The following ROBO2 variants were observed in gnomAD, a reference collection of about 807,000 sequenced individuals.
ROBO2 encodes the protein roundabout guidance receptor 2, also known as roundabout homolog 2.
In ROBO2, 53 loss-of-function variants were observed where a neutral mutation model predicts 160.8. The ratio of observed to expected loss-of-function variants is 0.33; its 90% CI spans 0.26 to 0.41. ROBO2 has a LOEUF of 0.41. Among genes scored for constraint, ROBO2 ranks in the 10% least tolerant of loss-of-function variants. The pLI, the probability that ROBO2 is intolerant of heterozygous loss-of-function variation, is 1.00. For synonymous variants in ROBO2, 664 were observed against 611.7 expected (o/e 1.09, Z -1.26); for missense variants, 1,577 against 1,722.4 (o/e 0.92, Z 1.49).
At chr3:76,169,988 G>A (rs1306548574) in intron 2 of ROBO2, among the ~76,000 whole-genome samples, 1 of 152,028 alleles carries the variant, frequency 6.6e-6, no homozygotes, top group East Asian at 1.9e-4. Context: ...TACCATGTTA[G>A]CCAGGATGGT....
At chr3:76,965,273 C>G (rs2079982035) in intron 2 of ROBO2, among the ~76,000 whole-genome samples, 2 of 152,248 alleles carry the variant, frequency 1.3e-5, no homozygotes, top group Admixed American at 1.3e-4. Context: ...TTGGATATCT[C>G]TGCTGTGGAC....
chr3:76,948,902 ATATATAT>A (rs1342992308), intron 2 of ROBO2, among the ~76,000 whole-genome samples: 148 of 42,842 alleles, frequency 3.5e-3, no homozygotes, highest in South Asian at 0.014. Context: ...ATATATATAT[ATATATAT>A]TTTTTTTTTT....
Position 77,455,412 on chromosome 3 carries a change from C to T in ROBO2, c.389-22002C>T, listed in dbSNP as rs183256678. ...TACTTAATTAGGGCAAAACAGAAGTCCGAAATTAAGGAAAAGCAAAAATCG... is the reference window on the plus strand; with the variant it reads ...TACTTAATTAGGGCAAAACAGAAGTTCGAAATTAAGGAAAAGCAAAAATCG... On this transcript the variant is annotated intron_variant, in intron 2 of 25. Transcript: ENST00000461745. Among the ~76,000 whole-genome samples the T allele has an allele frequency of 6.1e-3, 934 of 152,196 alleles. 13 individuals carry two copies. Among genetic ancestry groups the T allele is most frequent in the African/African-American group, 0.021 (881 of 41,524 alleles).
At chr3:77,338,592 T>A (rs2066738539) in intron 2 of ROBO2, among the ~76,000 whole-genome samples, 1 of 152,296 alleles carries the variant, frequency 6.6e-6, no homozygotes, top group Non-Finnish European at 1.5e-5. Context: ...AAGATTTTTT[T>A]AATGGCAAAC....
At chr3:76,316,903 G>A (rs552684869) in intron 2 of ROBO2, among the ~76,000 whole-genome samples, 1 of 152,228 alleles carries the variant, frequency 6.6e-6, no homozygotes, top group Non-Finnish European at 1.5e-5. Context: ...AAGACTTTCT[G>A]GTTTGAGGAA....
At chr3:77,353,484 T>A (rs1228078285) in intron 2 of ROBO2, among the ~76,000 whole-genome samples, 1 of 152,172 alleles carries the variant, frequency 6.6e-6, no homozygotes, top group African/African-American at 2.4e-5. Context: ...AATTAGTCAG[T>A]ATGCCTCAAA....
intron 2 of ROBO2, among the ~76,000 whole-genome samples, chr3:77,210,451 A>G (rs539485493): frequency 1.1e-3 from 171 of 152,298 alleles, no homozygotes; most frequent in African/African-American, 3.9e-3. Flanking sequence ...TAACAATACA[A>G]TATACCCTAC....
At position 76,221,133 on chromosome 3, in the gene ROBO2, A is replaced by G. The variant is rs151127934; in HGVS notation, c.109+283531A>G. Among the ~76,000 whole-genome samples, 504 of 152,352 alleles carry G rather than the reference A, an allele frequency of 3.3e-3. 2 individuals carry two copies. The highest frequency in any genetic ancestry group is 0.012 in the African/African-American group (484 of 41,588). On this transcript the variant is annotated intron_variant, in intron 2 of 26. Transcript: ENST00000487694. ...GTAGTCTGAATCAATAACCCCAGGC[A>G]ATATTGACTGTTTCTGTGGTGAAAG... is the stretch of plus-strand genomic sequence containing the variant.
intron 2 of ROBO2, among the ~76,000 whole-genome samples, chr3:77,029,033 T>C (rs1380957667): frequency 1.3e-5 from 2 of 152,222 alleles, no homozygotes; most frequent in Non-Finnish European, 2.9e-5. Context: ...TTCATGTGTT[T>C]CTCTGTATAA....
At chr3:77,000,640 G>A (rs1393650480) in intron 2 of ROBO2, among the ~76,000 whole-genome samples, 1 of 152,118 alleles carries the variant, frequency 6.6e-6, no homozygotes, top group Non-Finnish European at 1.5e-5. Context: ...CAGAGATAGT[G>A]TCTTACATGT....
intron 2 of ROBO2, among the ~76,000 whole-genome samples, chr3:76,043,640 A>AAAAC (rs2067353065): frequency 6.7e-6 from 1 of 150,356 alleles, no homozygotes; most frequent in African/African-American, 2.4e-5. Flanking sequence ...AAAAAAAAAA[A>AAAAC]AAAAAACCAC....
At chr3:76,613,538 T>TA (rs1379527535) in intron 2 of ROBO2, among the ~76,000 whole-genome samples, 3 of 152,076 alleles carry the variant, frequency 2.0e-5, no homozygotes, top group African/African-American at 7.2e-5. Context: ...AATATTCATT[T>TA]AATTGTAAAT....
chr3:77,403,938 T>C (rs957370814), intron 2 of ROBO2, among the ~76,000 whole-genome samples: 2 of 152,116 alleles, frequency 1.3e-5, no homozygotes, highest in South Asian at 2.1e-4. Flanking sequence ...CTTTTCCAAA[T>C]TGGCACTAGG....
intron 2 of ROBO2, among the ~76,000 whole-genome samples, chr3:76,483,421 C>A (rs945787795): frequency 6.6e-6 from 1 of 151,310 alleles, no homozygotes; most frequent in Non-Finnish European, 1.5e-5. Context: ...ATTCCATCAC[C>A]CAGGTACTGA....
exon 5 of ROBO2, chr3:77,493,342 G>A (rs2086370908): frequency 6.2e-7 from 1 of 1,613,834 alleles, no homozygotes; most frequent in Non-Finnish European, 8.5e-7. Flanking sequence ...TCAACCAACT[G>A]TGAGGTGGAA....
chr3:76,267,579 T>C (rs1006205820), intron 2 of ROBO2, among the ~76,000 whole-genome samples: 4 of 152,168 alleles, frequency 2.6e-5, no homozygotes, highest in Non-Finnish European at 5.9e-5. Context: ...ATCACCTGTG[T>C]CATATTTCTC....
intron 2 of ROBO2, among the ~76,000 whole-genome samples, chr3:76,302,747 C>T (rs1035779258): frequency 6.6e-6 from 1 of 151,990 alleles, no homozygotes; most frequent in African/African-American, 2.4e-5. Flanking sequence ...CAAACTATAC[C>T]ATCTAGGTTT....
At chr3:76,745,057 A>T (rs975574113) in intron 2 of ROBO2, among the ~76,000 whole-genome samples, 15 of 152,198 alleles carry the variant, frequency 9.9e-5, no homozygotes, top group African/African-American at 3.1e-4. Context: ...TTACATTAAA[A>T]ATAAAAAGTG....
intron 2 of ROBO2, among the ~76,000 whole-genome samples, chr3:77,361,732 A>G (rs1173834704): frequency 2.0e-5 from 3 of 152,142 alleles, no homozygotes; most frequent in Non-Finnish European, 4.4e-5. Context: ...CCGACCTCTT[A>G]GTACTATAGC....
Sources: allele counts gnomAD v4.1 joint callset (sites outside exome capture counted in the v4.1 genomes callset), GRCh38; gene constraint gnomAD v4.1.1; transcripts MANE v1.5; gene names NCBI Gene and HGNC (gene_info 2026-07-23, HGNC 2026-07-21).